LRRIQ3: variants seen among roughly 807,000 people sequenced by gnomAD.
The protein encoded by LRRIQ3 is leucine-rich repeat and IQ domain-containing protein 3.
In LRRIQ3, 75 loss-of-function variants were observed where a neutral mutation model predicts 59.3. The observed-to-expected ratio is 1.26, with a 90% CI of 1.05 to 1.53. The LOEUF is 1.53. Among genes scored for constraint, LRRIQ3 ranks in the 40% most tolerant of loss-of-function variants. LRRIQ3 has a pLI of 0.00. For missense variants in LRRIQ3, 831 were observed against 710.0 expected, an observed-to-expected ratio of 1.17 and a Z score of -1.94; for synonymous variants, 250 against 231.3, an observed-to-expected ratio of 1.08 and a Z score of -0.73.
Position 74,075,663 on chromosome 1 carries a change from G to A in LRRIQ3, c.868-873C>T, listed in dbSNP as rs144050431. Among the ~76,000 whole-genome samples the A allele has an allele frequency of 2.6e-5, 4 of 152,236 alleles. No homozygotes were observed. The East Asian group carries it at 7.7e-4, about 29-fold the overall frequency. On this transcript the variant is annotated intron_variant, in intron 5 of 7. Coordinates refer to ENST00000354431, the MANE Select transcript of LRRIQ3 (RefSeq NM_001105659.2). ...ATGGGGAACAGAGGCATTGTCAAAT[G>A]TAAACTGTATAATATCTGTGAACTG...
At chr1:74,155,667 C>A in intron 4 of LRRIQ3, 66 bp downstream of exon 4, 3 of 1,421,030 alleles carry the variant, frequency 2.1e-6, no homozygotes, top group Non-Finnish European at 9.5e-7. Context: ...GGAGAATTGA[C>A]TTCTTATCAT....
chr1:74,069,221 G>C (rs1654951533), intron 6 of LRRIQ3, among the ~76,000 whole-genome samples: 1 of 151,968 alleles, frequency 6.6e-6, no homozygotes. Context: ...AAATATGAAT[G>C]GTCCTTGAAA....
intron 5 of LRRIQ3, among the ~76,000 whole-genome samples, chr1:74,104,951 G>T (rs1351089051): frequency 1.3e-5 from 2 of 151,830 alleles, no homozygotes; most frequent in African/African-American, 4.8e-5. Flanking sequence ...AACTAATACT[G>T]CTCTAACAAA....
At chr1:74,181,807 G>A (rs1048260719) in intron 3 of LRRIQ3, 5 of 151,494 alleles carry the variant, frequency 3.3e-5, no homozygotes, top group Admixed American at 2.6e-4. Context: ...ACTGTTCAAT[G>A]TTTATATATT....
intron 7 of LRRIQ3, among the ~76,000 whole-genome samples, chr1:74,033,487 T>C (rs766995405): frequency 1.3e-5 from 2 of 151,942 alleles, no homozygotes; most frequent in Non-Finnish European, 1.5e-5. Flanking sequence ...AGAAAGGAGT[T>C]GAAAAGATAG....
chr1:74,094,145 A>G (rs1487285162), intron 5 of LRRIQ3, among the ~76,000 whole-genome samples: 1 of 151,896 alleles, frequency 6.6e-6, no homozygotes, highest in East Asian at 1.9e-4. Flanking sequence ...TCTTAATCCT[A>G]TCAGGTCAGG....
At chr1:74,091,566 A>C (rs1646394815) in intron 5 of LRRIQ3, among the ~76,000 whole-genome samples, 2 of 152,110 alleles carry the variant, frequency 1.3e-5, no homozygotes. Flanking sequence ...TAATTGAAAA[A>C]AATTTCAGAA....
chr1:74,055,712 T>A (rs1654513029), intron 6 of LRRIQ3, among the ~76,000 whole-genome samples: 1 of 152,184 alleles, frequency 6.6e-6, no homozygotes, highest in South Asian at 2.1e-4. Flanking sequence ...TATGATTCTC[T>A]TGGCTATACT....
intron 6 of LRRIQ3, among the ~76,000 whole-genome samples, chr1:74,049,809 T>C (rs1045476774): frequency 5.3e-5 from 8 of 152,226 alleles, no homozygotes; most frequent in Non-Finnish European, 1.0e-4. Flanking sequence ...CATTTTAAAG[T>C]ATTTTATTCT....
chr1:74,078,556 C>T (rs905983775), intron 5 of LRRIQ3: 2 of 151,660 alleles, frequency 1.3e-5, no homozygotes, highest in South Asian at 2.1e-4. Flanking sequence ...TTATAAAATA[C>T]GTTTTAGTTA....
intron 5 of LRRIQ3, among the ~76,000 whole-genome samples, chr1:74,108,613 G>A (rs1646645390): frequency 6.6e-6 from 1 of 151,742 alleles, no homozygotes; most frequent in Non-Finnish European, 1.5e-5. Flanking sequence ...TACTCAAGCA[G>A]AGAGCCACAC....
intron 3 of LRRIQ3, among the ~76,000 whole-genome samples, chr1:74,160,125 G>A (rs1243508882): frequency 6.6e-6 from 1 of 151,978 alleles, no homozygotes; most frequent in African/African-American, 2.4e-5. Flanking sequence ...GCAAGATAAA[G>A]TCCTGTCTCC....
chr1:74,133,318 T>C (rs1345582395), intron 4 of LRRIQ3, among the ~76,000 whole-genome samples: 3 of 152,132 alleles, frequency 2.0e-5, no homozygotes, highest in Non-Finnish European at 4.4e-5. Flanking sequence ...TCCTCAGGGA[T>C]CTAGAACTAG....
intron 6 of LRRIQ3, among the ~76,000 whole-genome samples, chr1:74,070,174 G>A (rs1654982397): frequency 6.6e-6 from 1 of 151,932 alleles, no homozygotes; most frequent in South Asian, 2.1e-4. Flanking sequence ...AAAGACACAT[G>A]CACACATGTT....
Position 74,032,144 on chromosome 1 carries a change from A to C in LRRIQ3, c.1719-5175T>G, listed in dbSNP as rs140444741. 1.9e-3 allele frequency among the ~76,000 whole-genome samples: 285 copies of C among 152,114 alleles called. 1 individual carries two copies. Among genetic ancestry groups the C allele is most frequent in the Non-Finnish European group, 2.9e-3 (200 of 67,974 alleles). ...ATTAACATTTACATTTGTTTTAAAT[A>C]TATATTAATTTAATTCAGATTTATT... On this transcript the variant is annotated intron_variant, in intron 7 of 7. Coordinates refer to ENST00000354431, the MANE Select transcript of LRRIQ3 (RefSeq NM_001105659.2).
chr1:74,082,345 T>G (rs1301191574), intron 5 of LRRIQ3: 1 of 151,516 alleles, frequency 6.6e-6, no homozygotes, highest in Non-Finnish European at 1.5e-5. Context: ...AATTTATAAA[T>G]CTAATCATTT....
At chr1:74,168,614 A>G (rs1329553024) in intron 3 of LRRIQ3, among the ~76,000 whole-genome samples, 1 of 152,084 alleles carries the variant, frequency 6.6e-6, no homozygotes, top group Non-Finnish European at 1.5e-5. Context: ...GTTAATGCTT[A>G]GGACTACCAT....
chr1:74,128,914 G>A (rs934819885), intron 4 of LRRIQ3, among the ~76,000 whole-genome samples: 3 of 151,992 alleles, frequency 2.0e-5, no homozygotes, highest in Non-Finnish European at 4.4e-5. Flanking sequence ...GAATTATCTG[G>A]ATTGCAAAGC....
At chr1:74,041,045 C>T (rs1055099030) in intron 7 of LRRIQ3, among the ~76,000 whole-genome samples, 168 bp downstream of exon 7, 6 of 152,018 alleles carry the variant, frequency 3.9e-5, no homozygotes, top group Admixed American at 2.6e-4. Flanking sequence ...ATTTTATTGC[C>T]TTATCTTTGG....
Sources: allele counts gnomAD v4.1 joint callset (sites outside exome capture counted in the v4.1 genomes callset), GRCh38; gene constraint gnomAD v4.1.1; transcripts MANE v1.5; gene names NCBI Gene and HGNC (gene_info 2026-07-23, HGNC 2026-07-21).